Variants in DNAH17 observed in about 807,000 individuals in gnomAD.
DNAH17 encodes the protein dynein axonemal heavy chain 17, also known as axonemal beta dynein heavy chain 17.
DNAH17 carries 376 observed loss-of-function variants against 485.6 expected under a neutral mutation model. That is an observed-to-expected ratio of 0.77 (90% CI 0.71 to 0.84). The LOEUF is 0.84. Among genes scored for constraint, DNAH17 ranks in the 40% least tolerant of loss-of-function variants. DNAH17 has a pLI of 0.00. For missense variants in DNAH17, 6,370 were observed against 5,839.3 expected, an observed-to-expected ratio of 1.09 and a Z score of -2.96; for synonymous variants, 3,031 against 2,405.9, an observed-to-expected ratio of 1.26 and a Z score of -7.60.
chr17:78,456,681 G>A (rs2087817433), intron 62 of DNAH17, among the ~76,000 whole-genome samples: 1 of 152,224 alleles, frequency 6.6e-6, no homozygotes. Context: ...TGGCATGTTT[G>A]TTGCAAGTCC....
chr17:78,423,930 G>C lies in DNAH17; in HGVS notation c.13365C>G (p.Ala4455=), dbSNP rs141424232. ...GCTAAACCTGTAGGAGCAGCGCCACGGCTGCCAGGATCCACTTCGCTGCCT... is the reference window on the plus strand; with the variant it reads ...GCTAAACCTGTAGGAGCAGCGCCACCGCTGCCAGGATCCACTTCGCTGCCT... ...KEKAAKWILA[A]VALLLQV The change falls in exon 81 of 81, where the codon GCC becomes GCG. Residue 4455 remains alanine, a synonymous_variant. Transcript: ENST00000389840. 6.2e-6 allele frequency: 10 copies of C among 1,613,966 alleles called. No homozygotes were observed. The South Asian group carries it at 1.1e-4, about 18-fold the overall frequency.
chr17:78,553,066 A>G (rs548302601), intron 14 of DNAH17, among the ~76,000 whole-genome samples: 1 of 151,968 alleles, frequency 6.6e-6, no homozygotes, highest in South Asian at 2.1e-4. Flanking sequence ...TTCTCGTGCA[A>G]TCTCCTTTTT....
At chr17:78,460,392 G>A (rs1027286988) in intron 58 of DNAH17, 135 bp from the exon 59 acceptor site, 23 of 717,520 alleles carry the variant, frequency 3.2e-5, no homozygotes, top group African/African-American at 2.6e-4. Flanking sequence ...GTGCATATAT[G>A]TGCATGAGTG....
At position 78,459,799 on chromosome 17, in the gene DNAH17, C is replaced by T; in HGVS notation, c.9638G>A (p.Cys3213Tyr). The part of the protein sequence containing the change: ...KFDKEHIPEA[C>Y]LKAFKPYQGN... The stretch of plus-strand genomic sequence containing the variant: ...CCCGACTCACTTGAAGGCCTTCAGG[C>T]AGGCCTCAGGGATGTGCTCCTTGTC... The change falls in exon 60 of 81, where the codon TGC (cysteine) becomes TAC (tyrosine). Residue 3213 changes from cysteine to tyrosine, a missense_variant. By Grantham distance (194) the Cys-to-Tyr change is radical (BLOSUM62 -2). Transcript: ENST00000389840. The T allele has an allele frequency of 2.5e-6, 4 of 1,614,026 alleles. No individual in the cohort carries two copies. The highest frequency in any genetic ancestry group is 3.4e-6 in the Non-Finnish European group (4 of 1,179,878).
intron 25 of DNAH17, chr17:78,522,270 C>T (rs1268457780): frequency 1.0e-5 from 2 of 200,636 alleles, no homozygotes; most frequent in South Asian, 7.4e-5. Flanking sequence ...AGGACGCTCA[C>T]GAGAACCACA....
chr17:78,510,751 G>GCCCA, intron 26 of DNAH17: 3 of 376,250 alleles, frequency 8.0e-6, no homozygotes, highest in Non-Finnish European at 9.9e-6. Context: ...CGGAATTGCG[G>GCCCA]CCCCCCCGCA....
Position 78,458,696 on chromosome 17 carries a change from G to A in DNAH17, c.9862-16C>T, listed in dbSNP as rs758995475. 2.5e-6 allele frequency: 4 copies of A among 1,608,706 alleles called. No individual in the cohort carries two copies. Among genetic ancestry groups the A allele is most frequent in the East Asian group, 2.2e-5 (1 of 44,842 alleles). On this transcript the variant is annotated splice_polypyrimidine_tract_variant and intron_variant, in intron 61 of 80. Transcript: ENST00000389840. Reference sequence around the variant, plus strand: ...CGTTAAGTTCCTGCAAAACCAAGTTGGAAAGCTGCTGGAAAACCCCACGAG... The same window carrying A: ...CGTTAAGTTCCTGCAAAACCAAGTTAGAAAGCTGCTGGAAAACCCCACGAG...
chr17:78,495,239 G>T (rs76907145), intron 38 of DNAH17, 142 bp from the exon 39 acceptor site: 3 of 1,126,368 alleles, frequency 2.7e-6, no homozygotes, highest in Non-Finnish European at 3.6e-6. Context: ...TCCTGGAGCC[G>T]GGCTCCCAGC....
rs572018578 is a variant in DNAH17, at chr17:78,528,756, G to A, written c.3507+716C>T. Among the ~76,000 whole-genome samples, 127 of 152,004 alleles carry A rather than the reference G, an allele frequency of 8.4e-4. 4 individuals are homozygous for A. The South Asian group carries it at 0.026, about 31-fold the overall frequency. ...GCCCAGCCTGCACACACCCCTCCAC[G>A]CTGACAGCTGAGGTTCTTTGAATTC... is the stretch of plus-strand genomic sequence containing the variant. On this transcript the variant is annotated intron_variant, in intron 22 of 80. Transcript: ENST00000389840.
rs564102383 is a variant in DNAH17 at position 78,561,955 on chromosome 17, A to G, written c.1595T>C (p.Met532Thr). 3.1e-6 allele frequency: 5 copies of G among 1,610,628 alleles called. No homozygotes were observed. The highest frequency in any genetic ancestry group is 1.7e-5 in the Admixed American group (1 of 59,716). The part of the protein sequence containing the change: ...AKLLYMCGGL[M>T]ERPLILAEVA... ...CTCGGCAAGAATCAGGGGCCGCTCCATGAGGCCCCCACACATGTACAGGAG... is the reference window on the plus strand; with the variant it reads ...CTCGGCAAGAATCAGGGGCCGCTCCGTGAGGCCCCCACACATGTACAGGAG... Residue 532 changes from methionine to threonine, a missense_variant, in exon 12 of 81, where the codon ATG becomes ACG. Coordinates refer to ENST00000389840, the MANE Select transcript of DNAH17 (RefSeq NM_173628.4).
intron 17 of DNAH17, 115 bp downstream of exon 17, chr17:78,543,742 G>T: frequency 6.7e-7 from 1 of 1,495,248 alleles, no homozygotes; most frequent in Non-Finnish European, 9.2e-7. Flanking sequence ...AGACTTCTAT[G>T]ACTACAAGAA....
rs777385864 is a variant in DNAH17 at position 78,495,991 on chromosome 17, T to C, written c.5787A>G (p.Ala1929=). 6.2e-7 allele frequency: 1 copy of C among 1,613,932 alleles called. No individual in the cohort carries two copies. The highest frequency in any genetic ancestry group is 1.1e-5 in the South Asian group (1 of 91,076). The change falls in exon 38 of 81, where the codon GCA becomes GCG. Residue 1929 remains alanine, a synonymous_variant. Transcript: ENST00000389840. ...CTATGATCTCTCCCAGGAAATTGAA[T>C]GCTTTTTTCTTGGCCCGAATTGCAT... The part of the protein sequence containing the change: ...VQDAIRAKKK[A]FNFLGEIIGL...
chr17:78,466,295 G>A lies in DNAH17; in HGVS notation c.8940+360C>T, dbSNP rs139198317. ...AGTACCCAGGGACACAAACACTGCC[G>A]AAGGCCGGAAGGCCTCAGGGTCCTC... On this transcript the variant is annotated intron_variant, in intron 56 of 80. Coordinates refer to ENST00000389840, the MANE Select transcript of DNAH17 (RefSeq NM_173628.4). Among the ~76,000 whole-genome samples, 748 of 152,238 alleles carry A rather than the reference G, an allele frequency of 4.9e-3. 6 individuals are homozygous for A. Among genetic ancestry groups the A allele is most frequent in the African/African-American group, 0.017 (699 of 41,540 alleles).
chr17:78,490,516 G>A (rs1462653018), intron 44 of DNAH17, among the ~76,000 whole-genome samples, 183 bp downstream of exon 44: 1 of 149,838 alleles, frequency 6.7e-6, no homozygotes, highest in African/African-American at 2.5e-5. Flanking sequence ...TCGTGTCACT[G>A]TGAATTTACA....
At chr17:78,526,322 G>A (rs565519600) in intron 24 of DNAH17, among the ~76,000 whole-genome samples, 68 of 152,318 alleles carry the variant, frequency 4.5e-4, no homozygotes, top group Non-Finnish European at 8.1e-4. Flanking sequence ...ACAGAGTGGA[G>A]ATTAGGGGGC....
chr17:78,469,531 A>G (rs947211307), intron 54 of DNAH17, among the ~76,000 whole-genome samples: 2 of 152,142 alleles, frequency 1.3e-5, no homozygotes, highest in Admixed American at 6.5e-5. Context: ...GGGAGGATCA[A>G]TTGAGGCCAG....
chr17:78,539,916 C>T (rs1275185029), intron 17 of DNAH17, 36 bp from the exon 18 acceptor site: 2 of 1,526,782 alleles, frequency 1.3e-6, no homozygotes, highest in Middle Eastern at 1.8e-4. Context: ...CCTCACTTCA[C>T]TGGCTGTGCT....
At chr17:78,553,962 A>T (rs552900985) in intron 14 of DNAH17, among the ~76,000 whole-genome samples, 2 of 151,840 alleles carry the variant, frequency 1.3e-5, no homozygotes, top group South Asian at 2.1e-4. Context: ...AAAGCTCAAA[A>T]TCTTTTTTTT....
chr17:78,495,501 C>T (rs1372883507), intron 38 of DNAH17, among the ~76,000 whole-genome samples: 2 of 150,276 alleles, frequency 1.3e-5, no homozygotes. Flanking sequence ...GCAATGGTGC[C>T]ATCCCGGCTC....
Sources: gnomAD v4.1 joint callset for allele counts (sites outside exome capture counted in the v4.1 genomes callset) on GRCh38, gnomAD v4.1.1 for gene constraint, MANE v1.5 for transcripts, NCBI Gene and HGNC (gene_info 2026-07-23, HGNC 2026-07-21) for gene names.